The following ATRNL1 variants were observed in gnomAD, a reference collection of about 807,000 sequenced individuals.
ATRNL1 encodes attractin-like protein 1.
In ATRNL1, 95 loss-of-function variants were observed where a neutral mutation model predicts 182.7. That is an observed-to-expected ratio of 0.52 (90% CI 0.44 to 0.62). The LOEUF is 0.62. Ranked by LOEUF, ATRNL1 falls within the 20% of genes least tolerant of loss-of-function variation. The pLI is 0.00. For synonymous variants in ATRNL1, 576 were observed against 568.3 expected (o/e 1.01, Z -0.19); for missense variants, 1,471 against 1,679.5 (o/e 0.88, Z 2.17).
At chr10:115,452,609 T>TAA (rs1341423954) in intron 21 of ATRNL1, among the ~76,000 whole-genome samples, 1 of 152,132 alleles carries the variant, frequency 6.6e-6, no homozygotes, top group Non-Finnish European at 1.5e-5. Context: ...AATTAGGAAA[T>TAA]AATTATACAT....
At chr10:115,191,946 C>T (rs1208147130) in intron 8 of ATRNL1, among the ~76,000 whole-genome samples, 2 of 151,954 alleles carry the variant, frequency 1.3e-5, no homozygotes, top group Non-Finnish European at 2.9e-5. Context: ...AAAATAAGAT[C>T]TTTTTTTCCC....
chr10:115,673,714 T>G (rs1945772302), intron 26 of ATRNL1, among the ~76,000 whole-genome samples: 1 of 152,228 alleles, frequency 6.6e-6, no homozygotes, highest in South Asian at 2.1e-4. Context: ...CCATATATTC[T>G]TCTGTAATGT....
chr10:115,478,829 C>A (rs1554973616), intron 24 of ATRNL1, among the ~76,000 whole-genome samples: 1 of 151,538 alleles, frequency 6.6e-6, no homozygotes, highest in Admixed American at 6.6e-5. Context: ...CAAAATAGTT[C>A]TTTTTATATC....
intron 24 of ATRNL1, among the ~76,000 whole-genome samples, chr10:115,510,738 T>A (rs1426205110): frequency 2.0e-5 from 3 of 152,010 alleles, no homozygotes; most frequent in Non-Finnish European, 4.4e-5. Flanking sequence ...TTGACTGCAG[T>A]GTTAATGCTA....
At chr10:115,255,403 C>T (rs141412953) in intron 10 of ATRNL1, among the ~76,000 whole-genome samples, 1,785 of 152,032 alleles carry the variant, frequency 0.012, 34 homozygotes, top group African/African-American at 0.04. Flanking sequence ...GTGGCAATGG[C>T]GAATGGGAGT....
intron 7 of ATRNL1, among the ~76,000 whole-genome samples, chr10:115,167,147 A>G (rs567509485): frequency 1.3e-5 from 2 of 152,150 alleles, no homozygotes; most frequent in African/African-American, 4.8e-5. Flanking sequence ...TTGTTAAAAA[A>G]GAAACTGTCT....
At chr10:115,436,634 A>G (rs1846417412) in intron 21 of ATRNL1, among the ~76,000 whole-genome samples, 1 of 152,142 alleles carries the variant, frequency 6.6e-6, no homozygotes, top group Admixed American at 6.5e-5. Flanking sequence ...TTTATTAAAT[A>G]TTTATGTACA....
intron 26 of ATRNL1, among the ~76,000 whole-genome samples, chr10:115,724,332 A>G (rs1392858900): frequency 6.6e-6 from 1 of 152,192 alleles, no homozygotes; most frequent in East Asian, 1.9e-4. Flanking sequence ...ACATTTGTTA[A>G]AAGGGAGACT....
At chr10:115,799,870 T>C (rs1949750367) in intron 27 of ATRNL1, among the ~76,000 whole-genome samples, 1 of 152,190 alleles carries the variant, frequency 6.6e-6, no homozygotes, top group African/African-American at 2.4e-5. Flanking sequence ...ACAGGCTTTA[T>C]CTCTAATGCT....
At chr10:115,528,710 A>G (rs1554987371) in intron 25 of ATRNL1, among the ~76,000 whole-genome samples, 2 of 152,054 alleles carry the variant, frequency 1.3e-5, no homozygotes, top group South Asian at 4.1e-4. Context: ...TTCAAGTTGT[A>G]AAGTTAAGTT....
intron 25 of ATRNL1, among the ~76,000 whole-genome samples, chr10:115,535,659 G>A (rs537751026): frequency 1.5e-3 from 221 of 152,260 alleles, no homozygotes; most frequent in African/African-American, 4.7e-3. Context: ...GAGGAACTGC[G>A]TTCGTTTGGA....
At chr10:115,851,633 A>T (rs1388614348) in intron 28 of ATRNL1, among the ~76,000 whole-genome samples, 7 of 152,132 alleles carry the variant, frequency 4.6e-5, no homozygotes, top group African/African-American at 1.7e-4. Context: ...GGGGGCTTAG[A>T]ATAGTAAGGC....
At chr10:115,359,763 C>G (rs1856652386) in intron 19 of ATRNL1, among the ~76,000 whole-genome samples, 1 of 151,448 alleles carries the variant, frequency 6.6e-6, no homozygotes, top group Non-Finnish European at 1.5e-5. Flanking sequence ...TAAATAGAAT[C>G]TTGATATCTG....
intron 24 of ATRNL1, among the ~76,000 whole-genome samples, chr10:115,471,185 A>G (rs934745384): frequency 7.3e-5 from 11 of 150,826 alleles, no homozygotes; most frequent in Admixed American, 2.7e-4. Flanking sequence ...GTATATAAAT[A>G]TATACATATT....
chr10:115,868,822 C>CTTTTTTATTTTTTTTTTTTTTT (rs1951501278), intron 28 of ATRNL1, among the ~76,000 whole-genome samples: 1 of 58,084 alleles, frequency 1.7e-5, no homozygotes, highest in Non-Finnish European at 3.2e-5. Flanking sequence ...AGTCTTTATT[C>CTTTTTTATTTTTTTTTTTTTTT]TTTTTTTTTT....
At chr10:115,872,949 G>C in intron 28 of ATRNL1, among the ~76,000 whole-genome samples, 1 of 152,228 alleles carries the variant, frequency 6.6e-6, no homozygotes, top group East Asian at 1.9e-4. Flanking sequence ...TGCTCCTCCT[G>C]AAATTCTAGC....
chr10:115,483,692 T>C (rs896228883), intron 24 of ATRNL1, among the ~76,000 whole-genome samples: 2 of 151,620 alleles, frequency 1.3e-5, no homozygotes, highest in Non-Finnish European at 3.0e-5. Flanking sequence ...TATGTTGTTT[T>C]AATTATTTAC....
chr10:115,094,145 G>C, intron 1 of ATRNL1, 102 bp downstream of exon 1: 1 of 1,172,056 alleles, frequency 8.5e-7, no homozygotes, highest in Non-Finnish European at 1.1e-6. Flanking sequence ...CGCTGCCTCT[G>C]ATCCCCCGGC....
At chr10:115,631,201 G>C (rs1325295213) in intron 26 of ATRNL1, among the ~76,000 whole-genome samples, 1 of 151,890 alleles carries the variant, frequency 6.6e-6, no homozygotes, top group Non-Finnish European at 1.5e-5. Flanking sequence ...AACTTACTAA[G>C]GTGAGGCTAG....
Sources: allele counts gnomAD v4.1 joint callset (sites outside exome capture counted in the v4.1 genomes callset), GRCh38; gene constraint gnomAD v4.1.1; transcripts MANE v1.5; gene names NCBI Gene and HGNC (gene_info 2026-07-23, HGNC 2026-07-21).